Variants in LDLRAD4 observed in about 807,000 individuals in gnomAD.
The protein encoded by LDLRAD4 is low density lipoprotein receptor class A domain containing 4.
In LDLRAD4, 5 loss-of-function variants were observed where a neutral mutation model predicts 17.0. That is an observed-to-expected ratio of 0.29 (90% CI 0.15 to 0.62). The LOEUF is 0.62. Among genes scored for constraint, LDLRAD4 ranks in the 20% least tolerant of loss-of-function variants. The pLI is 0.84. For synonymous variants in LDLRAD4, 168 were observed against 171.8 expected (o/e 0.98, Z 0.17); for missense variants, 340 against 424.7 (o/e 0.80, Z 1.75).
At chr18:13,619,074 A>ACACAT (rs1568414807) in intron 3 of LDLRAD4, among the ~76,000 whole-genome samples, 1 of 152,160 alleles carries the variant, frequency 6.6e-6, no homozygotes, top group African/African-American at 2.4e-5. Context: ...CACCGGGGCC[A>ACACAT]CACATCCCAG....
intron 3 of LDLRAD4, chr18:13,522,554 C>G (rs1489027088): frequency 6.6e-6 from 1 of 152,080 alleles, no homozygotes; most frequent in Non-Finnish European, 1.5e-5. Context: ...ATGTGACTGA[C>G]TTGCTGGGCT....
At chr18:13,239,389 A>C (rs943387685) in intron 1 of LDLRAD4, among the ~76,000 whole-genome samples, 6 of 152,158 alleles carry the variant, frequency 3.9e-5, no homozygotes, top group African/African-American at 1.4e-4. Context: ...AAGTTTAAAC[A>C]GACTCCCTCT....
chr18:13,577,076 A>C (rs2094784461), intron 3 of LDLRAD4, among the ~76,000 whole-genome samples: 1 of 75,276 alleles, frequency 1.3e-5, no homozygotes, highest in African/African-American at 4.2e-5. Flanking sequence ...TTTGCGGTTT[A>C]GCATTTTTTT....
chr18:13,478,635 G>T (rs948218434), intron 3 of LDLRAD4, among the ~76,000 whole-genome samples: 2 of 152,348 alleles, frequency 1.3e-5, no homozygotes, highest in South Asian at 2.1e-4. Context: ...AGTCAAAGAA[G>T]TCAATGGAGA....
Position 13,287,712 on chromosome 18 carries a change from C to A in LDLRAD4, c.-383+9524C>A, listed in dbSNP as rs114776495. On this transcript the variant is annotated intron_variant, in intron 1 of 5. Transcript: ENST00000359446. ...TAGTGTGGATGGATGGAGAGAGAAA[C>A]ACTTATTATGAGGATTGGATTTAGT... Among the ~76,000 whole-genome samples, 50 of 152,260 alleles carry A rather than the reference C, an allele frequency of 3.3e-4. 2 individuals are homozygous for A. The East Asian group carries it at 9.2e-3, about 28-fold the overall frequency.
chr18:13,226,180 C>CTCTTTTTTTTTTTT (rs71370946), intron 1 of LDLRAD4, among the ~76,000 whole-genome samples: 1 of 52,188 alleles, frequency 1.9e-5, no homozygotes, highest in African/African-American at 7.8e-5. Context: ...CCATGCCTTG[C>CTCTTTTTTTTTTTT]TTTTTTTTTT....
intron 1 of LDLRAD4, among the ~76,000 whole-genome samples, chr18:13,266,428 C>A (rs546063876): frequency 6.6e-6 from 1 of 152,328 alleles, no homozygotes; most frequent in South Asian, 2.1e-4. Flanking sequence ...ACAACAGACA[C>A]AGCCCGCTGA....
upstream of LDLRAD4, chr18:13,218,079 C>G (rs1227907926): frequency 1.3e-5 from 2 of 151,840 alleles, no homozygotes; most frequent in African/African-American, 2.4e-5. Flanking sequence ...GCCTCCGCTC[C>G]GGGGGGGCGG....
At chr18:13,350,844 A>C (rs530518399) in intron 1 of LDLRAD4, among the ~76,000 whole-genome samples, 2 of 152,226 alleles carry the variant, frequency 1.3e-5, no homozygotes, top group Non-Finnish European at 2.9e-5. Flanking sequence ...AGTTTTCTGA[A>C]TATAGCTAGC....
intron 3 of LDLRAD4, chr18:13,612,586 T>A: frequency 6.7e-6 from 10 of 1,496,148 alleles, no homozygotes; most frequent in East Asian, 2.6e-5. Context: ...CCACACCCCA[T>A]GCCAGCTATA....
chr18:13,337,149 G>C (rs1307240946), intron 1 of LDLRAD4, among the ~76,000 whole-genome samples: 1 of 152,142 alleles, frequency 6.6e-6, no homozygotes, highest in Non-Finnish European at 1.5e-5. Context: ...ATCCATCTCT[G>C]AGATTTTTTA....
At chr18:13,242,485 C>T (rs1198235723) in intron 1 of LDLRAD4, among the ~76,000 whole-genome samples, 1 of 152,164 alleles carries the variant, frequency 6.6e-6, no homozygotes, top group Non-Finnish European at 1.5e-5. Flanking sequence ...CACTTTCACA[C>T]ACTTACTAAT....
intron 1 of LDLRAD4, among the ~76,000 whole-genome samples, chr18:13,296,616 A>G (rs926735136): frequency 2.0e-5 from 3 of 151,554 alleles, no homozygotes; most frequent in African/African-American, 7.3e-5. Flanking sequence ...GGCTCAAGCA[A>G]TCCTCCTGCC....
At chr18:13,288,463 A>G (rs1462413321) in intron 1 of LDLRAD4, among the ~76,000 whole-genome samples, 2 of 152,252 alleles carry the variant, frequency 1.3e-5, no homozygotes, top group Non-Finnish European at 2.9e-5. Context: ...GACCAGATAC[A>G]CAACTTTGGC....
At chr18:13,489,830 T>C (rs1378458440) in intron 3 of LDLRAD4, 2 of 152,190 alleles carry the variant, frequency 1.3e-5, no homozygotes, top group African/African-American at 4.8e-5. Context: ...AGCATCTGTT[T>C]GCTGCTTTTA....
chr18:13,627,444 G>A (rs927793308), intron 4 of LDLRAD4, among the ~76,000 whole-genome samples: 7 of 152,200 alleles, frequency 4.6e-5, no homozygotes, highest in East Asian at 1.9e-4. Context: ...CTTCAGTGCC[G>A]GGCAGCAGCA....
chr18:13,373,684 A>G (rs1036582514), intron 1 of LDLRAD4, among the ~76,000 whole-genome samples: 3 of 152,258 alleles, frequency 2.0e-5, no homozygotes, highest in South Asian at 4.1e-4. Flanking sequence ...AGCAAAATGG[A>G]TAGAAAATCA....
chr18:13,225,195 C>G (rs762362106), intron 1 of LDLRAD4, among the ~76,000 whole-genome samples: 3 of 152,202 alleles, frequency 2.0e-5, no homozygotes, highest in Non-Finnish European at 4.4e-5. Context: ...TTGACGTGTA[C>G]GTCCTATGAA....
intron 3 of LDLRAD4, among the ~76,000 whole-genome samples, chr18:13,442,613 C>T (rs895276143): frequency 6.6e-6 from 1 of 152,220 alleles, no homozygotes; most frequent in Admixed American, 6.5e-5. Context: ...GCTGGCCGGC[C>T]GGCTGCGGGG....
Sources: allele counts gnomAD v4.1 joint callset (sites outside exome capture counted in the v4.1 genomes callset), GRCh38; gene constraint gnomAD v4.1.1; transcripts MANE v1.5; gene names NCBI Gene and HGNC (gene_info 2026-07-23, HGNC 2026-07-21).